Variants in LAMA1 observed in about 807,000 individuals in gnomAD.
LAMA1 encodes the protein laminin subunit alpha 1, also known as laminin subunit alpha-1.
A neutral mutation model predicts 348.7 loss-of-function variants in LAMA1; 219 were observed. The observed-to-expected ratio is 0.63, with a 90% confidence interval of 0.56 to 0.70. The LOEUF (loss-of-function observed/expected upper bound fraction) is 0.70. LAMA1 is among the 30% of genes least tolerant of loss of function. LAMA1 has a pLI of 0.00. For synonymous variants in LAMA1, 1,487 were observed against 1,491.0 expected (o/e 1.00, Z 0.06); for missense variants, 3,744 against 3,888.0 (o/e 0.96, Z 0.99).
chr18:6,979,234 G>A (rs150769762), intron 42 of LAMA1, among the ~76,000 whole-genome samples: 2,090 of 152,256 alleles, frequency 0.014, 19 homozygotes, highest in Middle Eastern at 0.034. Flanking sequence ...ATGCTCCATT[G>A]TTTCAAAGTA....
rs745512712 is a variant in LAMA1, at chr18:7,050,833, TG to T, written c.448del (p.Gln150SerfsTer16). Reference protein sequence around the residue: ...SLDGTTFSPWQYYAVSDSECL... With the variant: ...SLDGTTFSPWXYYAVSDSECL... ...CTCTGAGTCGCTGACTGCATAATACTGCCAGGGGCTGAACGTGGTGCCATCC... is the reference window on the plus strand; with the variant it reads ...CTCTGAGTCGCTGACTGCATAATACTCCAGGGGCTGAACGTGGTGCCATCC... On this transcript the variant is annotated frameshift_variant, in exon 4 of 63. Transcript: ENST00000389658. LOFTEE classifies it high-confidence loss of function. 2.5e-6 allele frequency: 4 copies of T among 1,614,102 alleles called. No homozygotes were observed. In the Admixed American group the frequency reaches 5.0e-5, roughly 20 times the overall value.
chr18:7,075,765 A>C (rs1014468483), intron 3 of LAMA1, among the ~76,000 whole-genome samples: 3 of 151,836 alleles, frequency 2.0e-5, no homozygotes, highest in African/African-American at 7.3e-5. Context: ...TGATGAAACC[A>C]CGTCTCTACT....
chr18:6,996,585 C>T (rs2057782315), intron 33 of LAMA1, among the ~76,000 whole-genome samples: 1 of 151,880 alleles, frequency 6.6e-6, no homozygotes, highest in Admixed American at 6.6e-5. Flanking sequence ...CCAGCCTGCA[C>T]AACATAGTGA....
intron 5 of LAMA1, among the ~76,000 whole-genome samples, chr18:7,046,965 T>G (rs969543669): frequency 5.3e-5 from 8 of 152,238 alleles, no homozygotes; most frequent in African/African-American, 1.9e-4. Context: ...TTCTGGTAGT[T>G]GCTTTGTAGC....
chr18:7,028,931 T>C (rs1445722516), intron 16 of LAMA1, among the ~76,000 whole-genome samples: 9 of 152,224 alleles, frequency 5.9e-5, no homozygotes, highest in Non-Finnish European at 1.3e-4. Context: ...CCGTGTCCCC[T>C]TCTCCTACGG....
Position 6,975,038 on chromosome 18 carries a change from T to TG in LAMA1, c.6490-3dup, listed in dbSNP as rs2144035249. 3 of 1,613,454 alleles carry TG rather than the reference T, an allele frequency of 1.9e-6. No individual in the cohort carries two copies. The highest frequency in any genetic ancestry group is 2.5e-6 in the Non-Finnish European group (3 of 1,179,694). On this transcript the variant is annotated splice_polypyrimidine_tract_variant and splice_region_variant and intron_variant, in intron 45 of 62. Coordinates refer to ENST00000389658, the MANE Select transcript of LAMA1 (RefSeq NM_005559.4). ...CATCTCCACTGCAAGGAAATCAGAC[T>TG]GGGGGGCGAGGAATGAACGGGGATC...
In LAMA1 at chr18:7,034,655, A is replaced by C. The variant is rs993565049; in HGVS notation, c.1875T>G (p.Gly625=). The change falls in exon 14 of 63, where the codon GGT becomes GGG. Residue 625 remains glycine (G), a synonymous_variant. Coordinates refer to ENST00000389658, the MANE Select transcript of LAMA1 (RefSeq NM_005559.4). ...ACTCTTCATAAGGCTGCAATGACAG[A>C]CCCTCAGCCTGTGTGCTTAAAGTGA... ...NGLTLSTQAE[G]LSLQPYEEYL... is the part of the protein sequence containing the mutation. 6 of 1,614,060 alleles carry C rather than the reference A, an allele frequency of 3.7e-6. No homozygotes were observed. Among genetic ancestry groups the C allele is most frequent in the Non-Finnish European group, 5.1e-6 (6 of 1,180,020 alleles).
intron 51 of LAMA1, among the ~76,000 whole-genome samples, chr18:6,962,615 C>T (rs1289473232): frequency 6.6e-6 from 1 of 152,144 alleles, no homozygotes; most frequent in Admixed American, 6.6e-5. Flanking sequence ...TGGATGGCTA[C>T]CTACAGAAAA....
chr18:6,974,837 G>A, intron 46 of LAMA1, 66 bp downstream of exon 46: 1 of 1,577,286 alleles, frequency 6.3e-7, no homozygotes, highest in Non-Finnish European at 8.7e-7. Context: ...GATGTTACAA[G>A]CATGTAATTA....
chr18:7,046,131 A>G (rs1323981093), intron 6 of LAMA1, 147 bp downstream of exon 6: 2 of 589,052 alleles, frequency 3.4e-6, no homozygotes, highest in African/African-American at 3.8e-5. Flanking sequence ...TTTAAAAATG[A>G]CACAAGTTAA....
intron 1 of LAMA1, among the ~76,000 whole-genome samples, chr18:7,097,261 A>C (rs2058265231): frequency 9.3e-6 from 1 of 107,020 alleles, no homozygotes. Context: ...AAGGAACAAA[A>C]TACTTGAACA....
intron 1 of LAMA1, among the ~76,000 whole-genome samples, chr18:7,108,985 A>G (rs2058325278): frequency 6.6e-6 from 1 of 152,198 alleles, no homozygotes; most frequent in Non-Finnish European, 1.5e-5. Flanking sequence ...TCTGGAAACA[A>G]CTATTTGAAC....
chr18:7,063,226 C>T (rs1445105705), intron 3 of LAMA1, among the ~76,000 whole-genome samples: 1 of 152,044 alleles, frequency 6.6e-6, no homozygotes, highest in African/African-American at 2.4e-5. Context: ...TATATGGATC[C>T]TTGGTCTATA....
chr18:6,981,486 G>A (rs1304433278), intron 41 of LAMA1, among the ~76,000 whole-genome samples: 1 of 152,098 alleles, frequency 6.6e-6, no homozygotes, highest in East Asian at 1.9e-4. Context: ...TAAAATTTCT[G>A]TTCATAACAT....
At chr18:6,986,388 A>G (rs1229003958) in intron 36 of LAMA1, 41 bp from the exon 37 acceptor site, 7 of 1,582,346 alleles carry the variant, frequency 4.4e-6, no homozygotes, top group Non-Finnish European at 6.1e-6. Context: ...TAAATGAACA[A>G]CAAAGCTCCT....
At chr18:7,007,738 T>C (rs1311422731) in intron 28 of LAMA1, among the ~76,000 whole-genome samples, 1 of 150,886 alleles carries the variant, frequency 6.6e-6, no homozygotes, top group East Asian at 1.9e-4. Flanking sequence ...CACCCAAGTT[T>C]ATTCACTGAC....
At chr18:6,970,226 G>T (rs1232683439) in intron 48 of LAMA1, among the ~76,000 whole-genome samples, 1 of 152,114 alleles carries the variant, frequency 6.6e-6, no homozygotes, top group Non-Finnish European at 1.5e-5. Context: ...CGAGGCAACA[G>T]CATTTTTTAT....
At chr18:6,943,067 T>C (rs1479476704) in intron 62 of LAMA1, 113 bp downstream of exon 62, 3 of 889,188 alleles carry the variant, frequency 3.4e-6, no homozygotes, top group Non-Finnish European at 5.5e-6. Flanking sequence ...TGGTAAAGGA[T>C]TTGTCACCCA....
chr18:6,972,029 G>A, intron 47 of LAMA1, 48 bp from the exon 48 acceptor site: 1 of 1,607,300 alleles, frequency 6.2e-7, no homozygotes, highest in Non-Finnish European at 8.5e-7. Context: ...AGCTGACCAA[G>A]CAAAATACAT....
Sources: allele counts gnomAD v4.1 joint callset (sites outside exome capture counted in the v4.1 genomes callset), GRCh38; gene constraint gnomAD v4.1.1; transcripts MANE v1.5; gene names NCBI Gene and HGNC (gene_info 2026-07-23, HGNC 2026-07-21).